The following NEK1 variants were observed in gnomAD, a reference collection of about 807,000 sequenced individuals.
NEK1 encodes NIMA related kinase 1.
A neutral mutation model predicts 182.1 loss-of-function variants in NEK1; 137 were observed. The ratio of observed to expected loss-of-function variants is 0.75; its 90% CI spans 0.65 to 0.87. The LOEUF is 0.87. Ranked by LOEUF, NEK1 falls within the 40% of genes least tolerant of loss-of-function variation. The pLI is 0.00. For missense variants in NEK1, 1,391 were observed against 1,494.4 expected (o/e 0.93, Z 1.14); for synonymous variants, 513 against 492.2 (o/e 1.04, Z -0.56).
At chr4:169,484,938 T>C (rs1021483669) in intron 23 of NEK1, among the ~76,000 whole-genome samples, 29 of 152,348 alleles carry the variant, frequency 1.9e-4, no homozygotes, top group African/African-American at 6.5e-4. Flanking sequence ...ATTTATTTGG[T>C]TTCCATTAAA....
At chr4:169,582,108 G>C (rs536052322) in intron 10 of NEK1, among the ~76,000 whole-genome samples, 1 of 151,712 alleles carries the variant, frequency 6.6e-6, no homozygotes, top group African/African-American at 2.4e-5. Flanking sequence ...GAATTAACTC[G>C]ATTTATGCTT....
In NEK1 at chr4:169,409,525, T is replaced by C. The variant is rs564247074; in HGVS notation, c.3223-2778A>G. ...CACTCACACCTGCAATCCCAGCACT[T>C]TGGGAGGCCGAGGCAGATGGATCAC... is the stretch of plus-strand genomic sequence containing the variant. On this transcript the variant is annotated intron_variant, in intron 31 of 35. Transcript: ENST00000507142. 4.0e-5 allele frequency among the ~76,000 whole-genome samples: 6 copies of C among 151,730 alleles called. No individual in the cohort carries two copies. The South Asian group carries it at 1.1e-3, about 27-fold the overall frequency.
At chr4:169,405,391 T>C (rs1289789538) in intron 32 of NEK1, among the ~76,000 whole-genome samples, 1 of 152,176 alleles carries the variant, frequency 6.6e-6, no homozygotes, top group Non-Finnish European at 1.5e-5. Context: ...TAAAAAATGG[T>C]AAACTTTATA....
intron 18 of NEK1, among the ~76,000 whole-genome samples, chr4:169,543,221 C>G (rs1017131646): frequency 2.0e-5 from 3 of 152,100 alleles, no homozygotes; most frequent in African/African-American, 2.4e-5. Context: ...GCCAGTTTTC[C>G]CAACACCATT....
intron 18 of NEK1, among the ~76,000 whole-genome samples, chr4:169,550,235 T>A (rs891616212): frequency 4.3e-5 from 5 of 117,564 alleles, no homozygotes; most frequent in Middle Eastern, 3.8e-3. Context: ...CTCTCTCTCT[T>A]GTCTGCTGCA....
At chr4:169,418,464 T>C (rs991677295) in intron 31 of NEK1, among the ~76,000 whole-genome samples, 4 of 152,092 alleles carry the variant, frequency 2.6e-5, no homozygotes, top group African/African-American at 9.7e-5. Flanking sequence ...CAGAAGAAGA[T>C]ACAGAGATGA....
intron 24 of NEK1, 100 bp downstream of exon 24, chr4:169,479,303 A>T: frequency 8.0e-7 from 1 of 1,247,502 alleles, no homozygotes; most frequent in Non-Finnish European, 1.1e-6. Context: ...CCTTAGAAAA[A>T]CCTGAAAGGG....
At chr4:169,414,934 A>G (rs531883596) in intron 31 of NEK1, among the ~76,000 whole-genome samples, 1 of 152,358 alleles carries the variant, frequency 6.6e-6, no homozygotes, top group East Asian at 1.9e-4. Context: ...TAACAAAAAT[A>G]GCTGGCCACC....
intron 32 of NEK1, among the ~76,000 whole-genome samples, chr4:169,404,271 T>C (rs1732201661): frequency 6.6e-6 from 1 of 152,214 alleles, no homozygotes; most frequent in South Asian, 2.1e-4. Flanking sequence ...TACAGTCAAG[T>C]AGAAGAAACA....
At chr4:169,489,938 T>C (rs1244172469) in intron 23 of NEK1, among the ~76,000 whole-genome samples, 2 of 152,084 alleles carry the variant, frequency 1.3e-5, no homozygotes, top group African/African-American at 4.8e-5. Flanking sequence ...GTCACAAGTA[T>C]CATAGTAATT....
Position 169,394,400 on chromosome 4 carries a change from A to T in NEK1, c.*110T>A, listed in dbSNP as rs183545840. ...CATGCAATAAGAAAGTCCATCTTAA[A>T]TCTGATTTTTTAAATAAATAATTGC... On this transcript the variant is annotated 3_prime_UTR_variant, in exon 36 of 36. Transcript: ENST00000507142. 112 of 681,348 alleles carry T rather than the reference A, an allele frequency of 1.6e-4. No individual in the cohort carries two copies. In the African/African-American group the frequency reaches 1.9e-3, roughly 12 times the overall value. 42.2% of individuals were successfully genotyped at this position (681,348 alleles called of 1,614,324 possible). A position where few individuals can be genotyped will look rare whatever the true frequency, so the allele number is the denominator to read the frequency against.
intron 2 of NEK1, among the ~76,000 whole-genome samples, chr4:169,605,737 C>T (rs974491443): frequency 6.6e-6 from 1 of 152,156 alleles, no homozygotes; most frequent in Non-Finnish European, 1.5e-5. Flanking sequence ...CAGTTTCCAA[C>T]ATCAAATGAA....
At chr4:169,549,292 T>C (rs1761049756) in intron 18 of NEK1, among the ~76,000 whole-genome samples, 1 of 152,194 alleles carries the variant, frequency 6.6e-6, no homozygotes. Flanking sequence ...CTGTACACAC[T>C]GTCCAACCAG....
intron 27 of NEK1, among the ~76,000 whole-genome samples, chr4:169,448,104 G>A (rs1243144740): frequency 1.3e-5 from 2 of 151,974 alleles, no homozygotes; most frequent in African/African-American, 4.8e-5. Context: ...AGTGGGACAT[G>A]CTTGTAGTCC....
chr4:169,535,616 C>T lies in NEK1; in HGVS notation c.1665+2193G>A, dbSNP rs951333311. Among the ~76,000 whole-genome samples the T allele has an allele frequency of 4.6e-5, 7 of 152,012 alleles. No homozygotes were observed. In the East Asian group the frequency reaches 5.8e-4, roughly 13 times the overall value. ...TAATGGGCCAGACGCAGTGGGCTCA[C>T]GTCTGTAATCCCAGCACTTTGGGAG... is the stretch of plus-strand genomic sequence containing the variant. On this transcript the variant is annotated intron_variant, in intron 19 of 35. Transcript: ENST00000507142.
chr4:169,487,148 G>A lies in NEK1; in HGVS notation c.2008-7614C>T, dbSNP rs139517433. Among the ~76,000 whole-genome samples the A allele has an allele frequency of 8.5e-3, 1,295 of 152,186 alleles. 14 individuals are homozygous for A. Among genetic ancestry groups the A allele is most frequent in the African/African-American group, 0.029 (1,220 of 41,510 alleles). On this transcript the variant is annotated intron_variant, in intron 23 of 35. Coordinates refer to ENST00000507142, the MANE Select transcript of NEK1 (RefSeq NM_001199397.3). ...CTGCCAAAGAATCACAATAGTTAAG[G>A]CAGTGATTTTTTTTTCCTTCACTTT...
rs771824152 is a variant in NEK1 at position 169,555,747 on chromosome 4, G to A, written c.1535C>T (p.Ala512Val). Reference sequence around the variant, plus strand: ...GTTTGCATTGGCTTGTTTAGACACCGCCTTCAATCTTTTCAAAGTTTTTCT... The same window carrying A: ...GTTTGCATTGGCTTGTTTAGACACCACCTTCAATCTTTTCAAAGTTTTTCT... ...DIRKTLKRLKAVSKQANANRQ... is the reference protein window; with the variant it reads ...DIRKTLKRLKVVSKQANANRQ... The change falls in exon 18 of 36, where the codon GCG becomes GTG. Residue 512 changes from alanine (A) to valine (V), a missense_variant. Transcript: ENST00000507142. 87 of 1,613,598 alleles carry A rather than the reference G, an allele frequency of 5.4e-5. No homozygotes were observed. The highest frequency in any genetic ancestry group is 1.6e-4 in the Middle Eastern group (1 of 6,082).
chr4:169,482,670 G>A (rs1748278971), intron 23 of NEK1, among the ~76,000 whole-genome samples: 1 of 151,372 alleles, frequency 6.6e-6, no homozygotes, highest in African/African-American at 2.4e-5. Context: ...GTCTTGTACT[G>A]TCGCCCAGGC....
intron 19 of NEK1, among the ~76,000 whole-genome samples, chr4:169,528,605 TTG>T (rs1757235937): frequency 6.6e-6 from 1 of 152,150 alleles, no homozygotes; most frequent in African/African-American, 2.4e-5. Context: ...AACTGCTAAA[TTG>T]TGGTAACTTG....
Sources: gnomAD v4.1 joint callset for allele counts (sites outside exome capture counted in the v4.1 genomes callset) on GRCh38, gnomAD v4.1.1 for gene constraint, MANE v1.5 for transcripts, NCBI Gene and HGNC (gene_info 2026-07-23, HGNC 2026-07-21) for gene names.